The following AAK1 variants were observed in gnomAD, a reference collection of about 807,000 sequenced individuals.
The protein encoded by AAK1 is AP2-associated protein kinase 1.
AAK1 carries 37 observed loss-of-function variants against 116.0 expected under a neutral mutation model. That is an observed-to-expected ratio of 0.32 (90% CI 0.25 to 0.42). The LOEUF is 0.42. AAK1 is among the 10% of genes least tolerant of loss of function. The probability of loss-of-function intolerance (pLI) is 1.00; values close to 1 mark genes in which losing one functional copy is unlikely to be tolerated. For synonymous variants in AAK1, 458 were observed against 439.9 expected (o/e 1.04, Z -0.51); for missense variants, 919 against 1,170.6 (o/e 0.79, Z 3.14).
rs768543415 is a variant in AAK1, at chr2:69,527,332, T to C, written c.872-13A>G. The C allele has an allele frequency of 4.0e-6, 6 of 1,508,728 alleles. No individual in the cohort carries two copies. In the South Asian group the frequency reaches 5.9e-5, roughly 15 times the overall value. 93.5% of individuals were successfully genotyped at this position (1,508,728 alleles called of 1,614,324 possible). ...TCCAACATATACCCTAAGGCAAACATGTGAATTTATTTAATAATATTCCAA... is the reference window on the plus strand; with the variant it reads ...TCCAACATATACCCTAAGGCAAACACGTGAATTTATTTAATAATATTCCAA... On this transcript the variant is annotated splice_polypyrimidine_tract_variant and intron_variant, in intron 8 of 21. Transcript: ENST00000409085.
rs183051778 is a variant in AAK1, at chr2:69,531,845, T to G, written c.656+196A>C. ...GTGCTCTAAGAGTCCTTCCTTTTAC[T>G]CTGATGTATGCCTGTAAACCCCCTC... On this transcript the variant is annotated intron_variant, in intron 6 of 21. Coordinates refer to ENST00000409085, the MANE Select transcript of AAK1 (RefSeq NM_014911.5). 1.8e-4 allele frequency: 230 copies of G among 1,256,956 alleles called. No individual in the cohort carries two copies. The African/African-American group carries it at 3.2e-3, about 17-fold the overall frequency. The allele number at this position is 1,256,956 out of a possible 1,614,324, so 77.9% of individuals were successfully genotyped here.
intron 2 of AAK1, among the ~76,000 whole-genome samples, chr2:69,629,304 T>C (rs1274568987): frequency 6.6e-6 from 1 of 152,248 alleles, no homozygotes. Context: ...TATGCTTTGC[T>C]TAAAGATGAA....
At chr2:69,568,045 C>T (rs1671949060) in intron 2 of AAK1, among the ~76,000 whole-genome samples, 1 of 152,174 alleles carries the variant, frequency 6.6e-6, no homozygotes, top group Admixed American at 6.5e-5. Context: ...GCAAACAGAG[C>T]AGCAGAGGTC....
chr2:69,587,747 T>A (rs1383446164), intron 2 of AAK1, among the ~76,000 whole-genome samples: 1 of 151,992 alleles, frequency 6.6e-6, no homozygotes, highest in Admixed American at 6.6e-5. Context: ...ATTACAGGTG[T>A]AAGCCACTGC....
chr2:69,623,266 G>A (rs532023321), intron 2 of AAK1, among the ~76,000 whole-genome samples: 69 of 152,306 alleles, frequency 4.5e-4, no homozygotes, highest in Admixed American at 1.2e-3. Context: ...GACACTCACT[G>A]CGAGGGTCCG....
At position 69,509,230 on chromosome 2, in the gene AAK1, C is replaced by A; in HGVS notation, c.2006+1G>T. The stretch of plus-strand genomic sequence containing the variant: ...AACAACAAAGAGGAAGCACCACATA[C>A]TTGGACTTATTGAGACTGGCCTCAG... On this transcript the variant is annotated splice_donor_variant, in intron 14 of 21. Coordinates refer to ENST00000409085, the MANE Select transcript of AAK1 (RefSeq NM_014911.5). LOFTEE classifies it high-confidence loss of function. 1 of 1,613,844 alleles carries A rather than the reference C, an allele frequency of 6.2e-7. No homozygotes were observed. The highest frequency in any genetic ancestry group is 8.5e-7 in the Non-Finnish European group (1 of 1,179,752).
chr2:69,472,333 G>A lies in AAK1; in HGVS notation c.*3536C>T, dbSNP rs1466057775. The A allele has an allele frequency of 3.8e-6, 1 of 265,122 alleles. No individual in the cohort carries two copies. The highest frequency in any genetic ancestry group is 1.4e-4 in the South Asian group (1 of 6,960). The allele number at this position is 265,122 out of a possible 1,614,324, so 16.4% of individuals were successfully genotyped here. Reference sequence around the variant, plus strand: ...TAGACAAAGAAAGAATATACTTCCAGGTGCTTTCTCAAAGTGATACTAATT... The same window carrying A: ...TAGACAAAGAAAGAATATACTTCCAAGTGCTTTCTCAAAGTGATACTAATT... On this transcript the variant is annotated 3_prime_UTR_variant, in exon 22 of 22. Coordinates refer to ENST00000409085, the MANE Select transcript of AAK1 (RefSeq NM_014911.5).
intron 5 of AAK1, among the ~76,000 whole-genome samples, chr2:69,539,493 T>C (rs1670614646): frequency 6.6e-6 from 1 of 152,178 alleles, no homozygotes. Flanking sequence ...CCTATTTCTA[T>C]GCCTCTCACA....
intron 2 of AAK1, among the ~76,000 whole-genome samples, chr2:69,562,710 T>C (rs2105098501): frequency 6.6e-6 from 1 of 152,106 alleles, no homozygotes; most frequent in Admixed American, 6.5e-5. Flanking sequence ...GCTAACACGA[T>C]GAAACCCCGT....
chr2:69,489,600 C>T (rs1327621393), intron 17 of AAK1, among the ~76,000 whole-genome samples: 1 of 152,104 alleles, frequency 6.6e-6, no homozygotes, highest in Non-Finnish European at 1.5e-5. Context: ...CGAATACCAG[C>T]CCCACCAAAA....
At position 69,605,347 on chromosome 2, in the gene AAK1, T is replaced by C. The variant is rs571572659; in HGVS notation, c.163+37531A>G. Among the ~76,000 whole-genome samples the C allele has an allele frequency of 3.3e-5, 5 of 152,344 alleles. No homozygotes were observed. In the East Asian group the frequency reaches 5.8e-4, roughly 18 times the overall value. Reference sequence around the variant, plus strand: ...AAGCATCTTACATGGTATCCGAACATAGCATTTCACAATGAAATCATGGTA... The same window carrying C: ...AAGCATCTTACATGGTATCCGAACACAGCATTTCACAATGAAATCATGGTA... On this transcript the variant is annotated intron_variant, in intron 2 of 21. Coordinates refer to ENST00000409085, the MANE Select transcript of AAK1 (RefSeq NM_014911.5).
intron 5 of AAK1, among the ~76,000 whole-genome samples, chr2:69,540,297 A>G (rs760456520): frequency 1.3e-5 from 2 of 151,826 alleles, no homozygotes; most frequent in East Asian, 3.9e-4. Context: ...AATTTTTTGT[A>G]TTTAGTAGAA....
Position 69,553,698 on chromosome 2 carries a change from G to A in AAK1, c.282+3162C>T, listed in dbSNP as rs577018236. Among the ~76,000 whole-genome samples, 619 of 151,684 alleles carry A rather than the reference G, an allele frequency of 4.1e-3. 3 individuals carry two copies. Among genetic ancestry groups the A allele is most frequent in the Non-Finnish European group, 6.7e-3 (452 of 67,858 alleles). On this transcript the variant is annotated intron_variant, in intron 3 of 21. Transcript: ENST00000409085. ...ACCTCGTGATCTGCCCACCTTGGCC[G>A]CCCAAAGTGCTGGGATTACGGGCAT...
Position 69,551,476 on chromosome 2 carries a change from T to C in AAK1, c.282+5384A>G, listed in dbSNP as rs1177327931. Among the ~76,000 whole-genome samples the C allele has an allele frequency of 3.9e-5, 6 of 152,236 alleles. No homozygotes were observed. The East Asian group carries it at 1.2e-3, about 29-fold the overall frequency. ...TGAGCTTCCTACTGTACAGGATCTA[T>C]CTTCCACCCTTTGTAGAATAAGAAA... On this transcript the variant is annotated intron_variant, in intron 3 of 21. Transcript: ENST00000409085.
At chr2:69,486,048 G>C (rs939780557) in intron 17 of AAK1, among the ~76,000 whole-genome samples, 3 of 151,858 alleles carry the variant, frequency 2.0e-5, no homozygotes, top group Non-Finnish European at 4.4e-5. Flanking sequence ...TCGAACTCTC[G>C]GGCTCAACAG....
chr2:69,542,067 A>G (rs1293806172), intron 5 of AAK1, among the ~76,000 whole-genome samples: 7 of 152,250 alleles, frequency 4.6e-5, no homozygotes, highest in Admixed American at 1.3e-4. Context: ...CAAGGTGCCA[A>G]TTCCATTCAA....
In AAK1 at chr2:69,472,299, T is replaced by A; in HGVS notation, c.*3570A>T. On this transcript the variant is annotated 3_prime_UTR_variant, in exon 22 of 22. Coordinates refer to ENST00000409085, the MANE Select transcript of AAK1 (RefSeq NM_014911.5). Reference sequence around the variant, plus strand: ...AAATGTTACTCAGAACCAAGAGTAGTAGAAAAAGTAGACAAAGAAAGAATA... The same window carrying A: ...AAATGTTACTCAGAACCAAGAGTAGAAGAAAAAGTAGACAAAGAAAGAATA... 5.4e-6 allele frequency: 2 copies of A among 368,038 alleles called. No individual in the cohort carries two copies. Among genetic ancestry groups the A allele is most frequent in the Non-Finnish European group, 7.5e-6 (2 of 265,816 alleles). 22.8% of individuals were successfully genotyped at this position (368,038 alleles called of 1,614,324 possible).
At chr2:69,610,046 G>A (rs1203084693) in intron 2 of AAK1, among the ~76,000 whole-genome samples, 2 of 110,336 alleles carry the variant, frequency 1.8e-5, no homozygotes, top group African/African-American at 3.8e-5. Context: ...GTGAGACTCT[G>A]TCTCAAAAAA....
At chr2:69,546,015 G>C (rs1328225335) in intron 3 of AAK1, among the ~76,000 whole-genome samples, 1 of 152,078 alleles carries the variant, frequency 6.6e-6, no homozygotes, top group East Asian at 1.9e-4. Context: ...ATACAGGACA[G>C]GATGATGATA....
Sources: allele counts gnomAD v4.1 joint callset (sites outside exome capture counted in the v4.1 genomes callset), GRCh38; gene constraint gnomAD v4.1.1; transcripts MANE v1.5; gene names NCBI Gene and HGNC (gene_info 2026-07-23, HGNC 2026-07-21).